The following TSPEAR variants were observed in gnomAD, a reference collection of about 807,000 sequenced individuals.
The protein encoded by TSPEAR is thrombospondin type laminin G domain and EAR repeats.
A neutral mutation model predicts 71.6 loss-of-function variants in TSPEAR; 69 were observed. That is an observed-to-expected ratio of 0.96 (90% CI 0.79 to 1.18). The LOEUF is 1.18. Ranked by LOEUF, TSPEAR falls within the 50% of genes most tolerant of loss-of-function variation. TSPEAR has a pLI of 0.00. For synonymous variants in TSPEAR, 402 were observed against 387.2 expected, an observed-to-expected ratio of 1.04 and a Z score of -0.45; for missense variants, 971 against 894.9, an observed-to-expected ratio of 1.09 and a Z score of -1.09.
intron 1 of TSPEAR, among the ~76,000 whole-genome samples, chr21:44,664,270 C>T (rs980298742): frequency 3.9e-5 from 6 of 151,948 alleles, no homozygotes; most frequent in South Asian, 2.1e-4. Flanking sequence ...ATACAAAAAT[C>T]GATTTTATTT....
Position 44,642,736 on chromosome 21 carries a change from G to A in TSPEAR, c.82+68697C>T, listed in dbSNP as rs1286796574. 1.3e-5 allele frequency among the ~76,000 whole-genome samples: 2 copies of A among 152,116 alleles called. No homozygotes were observed. The highest frequency in any genetic ancestry group is 4.8e-5 in the African/African-American group (2 of 41,432). Reference sequence around the variant, plus strand: ...AGGCGCCTGTAGTCCCAGCTACCTGGGAGGCTGAGGCAGGAGAATGGCGTG... The same window carrying A: ...AGGCGCCTGTAGTCCCAGCTACCTGAGAGGCTGAGGCAGGAGAATGGCGTG... On this transcript the variant is annotated intron_variant, in intron 1 of 11. Transcript: ENST00000323084. The surrounding 1 kb of genome is among the most constrained non-coding windows in gnomAD (Gnocchi z 4.1).
chr21:44,610,343 C>T (rs1276371114), intron 1 of TSPEAR, among the ~76,000 whole-genome samples: 1 of 152,156 alleles, frequency 6.6e-6, no homozygotes, highest in Non-Finnish European at 1.5e-5. Context: ...TCCAGGGTCC[C>T]CATGCTGTAT....
At chr21:44,585,532 A>C (rs1345908049) in intron 1 of TSPEAR, among the ~76,000 whole-genome samples, 1 of 152,042 alleles carries the variant, frequency 6.6e-6, no homozygotes, top group Non-Finnish European at 1.5e-5. Flanking sequence ...TCCTGGGTTC[A>C]TCTCCCTTAG....
chr21:44,673,221 A>T (rs942246137), intron 1 of TSPEAR, among the ~76,000 whole-genome samples: 5 of 152,220 alleles, frequency 3.3e-5, no homozygotes, highest in African/African-American at 1.2e-4. Flanking sequence ...CAGAAACCTT[A>T]CAGGTCAGGA....
At chr21:44,556,864 CAG>C (rs1435184344) in intron 2 of TSPEAR, among the ~76,000 whole-genome samples, 1 of 152,132 alleles carries the variant, frequency 6.6e-6, no homozygotes, top group Non-Finnish European at 1.5e-5. Flanking sequence ...AAATCAAAGA[CAG>C]GGGTCTTTGC....
In TSPEAR at chr21:44,528,539, C is replaced by T. The variant is rs782725594; in HGVS notation, c.835G>A (p.Glu279Lys). ...AACCAGAACTGGGCGTCTTCCACCTCGGTACACGGTGGCTGGGGTCCCAGC... is the reference window on the plus strand; with the variant it reads ...AACCAGAACTGGGCGTCTTCCACCTTGGTACACGGTGGCTGGGGTCCCAGC... ...VTLGPQPPCT[E>K]VEDAQFWFDA... Residue 279 changes from glutamate (E) to lysine (K), a missense_variant, in exon 6 of 12, where the codon GAG becomes AAG. Glu to Lys is a moderately conservative substitution (Grantham distance 56, BLOSUM62 1). Coordinates refer to ENST00000323084, the MANE Select transcript of TSPEAR (RefSeq NM_144991.3). 5.6e-6 allele frequency: 9 copies of T among 1,614,052 alleles called. No individual in the cohort carries two copies. Among genetic ancestry groups the T allele is most frequent in the African/African-American group, 4.0e-5 (3 of 74,942 alleles).
intron 1 of TSPEAR, among the ~76,000 whole-genome samples, chr21:44,706,914 G>A (rs8133996): frequency 0.31 from 47,156 of 152,152 alleles, 7,617 homozygotes; most frequent in African/African-American, 0.33. Context: ...GGTGGTGTGG[G>A]ATGAAAAGTG....
intron 1 of TSPEAR, among the ~76,000 whole-genome samples, chr21:44,630,296 C>T (rs147248284): frequency 1.7e-3 from 254 of 152,280 alleles, no homozygotes; most frequent in Non-Finnish European, 2.7e-3. Flanking sequence ...CAGGGCTTGC[C>T]TTATTTCGCC....
At chr21:44,511,557 CA>C (rs2052379643) in intron 9 of TSPEAR, among the ~76,000 whole-genome samples, 1 of 152,210 alleles carries the variant, frequency 6.6e-6, no homozygotes, top group East Asian at 1.9e-4. Flanking sequence ...TGCCTGTACA[CA>C]GGCAGATCCC....
chr21:44,648,924 G>C (rs1984603295), intron 1 of TSPEAR, among the ~76,000 whole-genome samples: 1 of 152,248 alleles, frequency 6.6e-6, no homozygotes, highest in South Asian at 2.1e-4. Context: ...CAGTGGCGGG[G>C]TCCCCTCCCT....
rs144666411 is a variant in TSPEAR at position 44,627,753 on chromosome 21, A to G, written c.83-59748T>C. 6.2e-4 allele frequency: 990 copies of G among 1,593,866 alleles called. 7 individuals carry two copies. The African/African-American group carries it at 9.9e-3, about 16-fold the overall frequency. On this transcript the variant is annotated intron_variant, in intron 1 of 11. Coordinates refer to ENST00000323084, the MANE Select transcript of TSPEAR (RefSeq NM_144991.3). Reference sequence around the variant, plus strand: ...TCTGCTGTAAGCCTGTCTGCTGCAAACCCATCTGCTGTGTGCCTGTCTGCT... The same window carrying G: ...TCTGCTGTAAGCCTGTCTGCTGCAAGCCCATCTGCTGTGTGCCTGTCTGCT...
chr21:44,677,530 A>T, intron 1 of TSPEAR: 1 of 830,022 alleles, frequency 1.2e-6, no homozygotes, highest in South Asian at 1.4e-5. Flanking sequence ...ATTTCTTCAC[A>T]TGGTCGTTCC....
rs2051968418 is a variant in TSPEAR at position 44,498,414 on chromosome 21, G to A, written c.*1369C>T. On this transcript the variant is annotated 3_prime_UTR_variant, in exon 12 of 12. Coordinates refer to ENST00000323084, the MANE Select transcript of TSPEAR (RefSeq NM_144991.3). ...GGAAAGCCTTGCTGGCTGGACGGAG[G>A]GGAAGGAGGCTCTCGGCGACTGCCC... The A allele has an allele frequency of 6.6e-6, 1 of 152,246 alleles. No individual in the cohort carries two copies. The highest frequency in any genetic ancestry group is 2.4e-5 in the African/African-American group (1 of 41,454). 9.4% of individuals were successfully genotyped at this position (152,246 alleles called of 1,614,324 possible).
chr21:44,606,910 C>T (rs587720294), intron 1 of TSPEAR, among the ~76,000 whole-genome samples: 2 of 152,150 alleles, frequency 1.3e-5, no homozygotes, highest in Non-Finnish European at 2.9e-5. Context: ...AAGGAAACAA[C>T]CTTTCCATCA....
chr21:44,643,583 T>TG (rs1984138280), intron 1 of TSPEAR, among the ~76,000 whole-genome samples: 1 of 152,202 alleles, frequency 6.6e-6, no homozygotes, highest in Non-Finnish European at 1.5e-5. Context: ...AAAGGGATAA[T>TG]GAGCTATTAT....
intron 1 of TSPEAR, chr21:44,702,715 G>A: frequency 1.4e-6 from 2 of 1,478,624 alleles, no homozygotes; most frequent in Non-Finnish European, 1.9e-6. Context: ...CTGCCACCCA[G>A]CCTCCTGCGT....
At chr21:44,572,176 CTACAA>C (rs1164970342) in intron 1 of TSPEAR, among the ~76,000 whole-genome samples, 1 of 152,216 alleles carries the variant, frequency 6.6e-6, no homozygotes, top group Non-Finnish European at 1.5e-5. Flanking sequence ...GAGGGGCATT[CTACAA>C]AACACCCAAC....
intron 9 of TSPEAR, among the ~76,000 whole-genome samples, chr21:44,512,593 G>T (rs375661498): frequency 7.5e-4 from 114 of 152,308 alleles, no homozygotes; most frequent in African/African-American, 2.7e-3. Flanking sequence ...CCTGAGGCTG[G>T]TGGAGACCCT....
At chr21:44,522,244 G>C (rs879958174) in intron 8 of TSPEAR, 132 bp from the exon 9 acceptor site, 9 of 777,416 alleles carry the variant, frequency 1.2e-5, no homozygotes, top group Non-Finnish European at 2.0e-5. Context: ...CCAACCGCTG[G>C]GGACATCCTT....
Sources: gnomAD v4.1 joint callset for allele counts (sites outside exome capture counted in the v4.1 genomes callset) on GRCh38, gnomAD v4.1.1 for gene constraint, Gnocchi (gnomAD v3.1) non-coding constraint, MANE v1.5 for transcripts, NCBI Gene and HGNC (gene_info 2026-07-23, HGNC 2026-07-21) for gene names.